The following BBS9 variants were observed in gnomAD, a reference collection of about 807,000 sequenced individuals.
The protein encoded by BBS9 is Bardet-Biedl syndrome 9, also known as protein PTHB1.
BBS9 carries 89 observed loss-of-function variants against 117.7 expected under a neutral mutation model. The observed-to-expected ratio is 0.76, with a 90% CI of 0.64 to 0.90. BBS9 has a LOEUF of 0.90. Ranked by LOEUF, BBS9 falls within the 40% of genes least tolerant of loss-of-function variation. The pLI is 0.00. For synonymous variants in BBS9, 379 were observed against 370.9 expected (o/e 1.02, Z -0.25); for missense variants, 982 against 1,042.2 (o/e 0.94, Z 0.80).
At chr7:33,477,779 G>T (rs1039137514) in intron 19 of BBS9, among the ~76,000 whole-genome samples, 1 of 152,140 alleles carries the variant, frequency 6.6e-6, no homozygotes, top group African/African-American at 2.4e-5. Context: ...TGGAATAGAC[G>T]CAGTGAGCTT....
intron 19 of BBS9, among the ~76,000 whole-genome samples, chr7:33,411,428 G>GT (rs1563140601): frequency 1.3e-5 from 2 of 152,076 alleles, no homozygotes; most frequent in Non-Finnish European, 2.9e-5. Context: ...CAATCTTTGT[G>GT]TTTTGTGGAG....
intron 5 of BBS9, among the ~76,000 whole-genome samples, chr7:33,216,308 A>G (rs1191980476): frequency 6.6e-6 from 1 of 152,030 alleles, no homozygotes; most frequent in African/African-American, 2.4e-5. Flanking sequence ...GAAATTCTTT[A>G]CTCTTGGTTG....
rs962877511 is a variant in BBS9, at chr7:33,292,517, G to A, written c.1016+18561G>A. ...GCTGGGATTACAGGCATGACCCACC[G>A]CACACCATCTATTTGTGGAACATTT... is the stretch of plus-strand genomic sequence containing the variant. On this transcript the variant is annotated intron_variant, in intron 9 of 22. Coordinates refer to ENST00000242067, the MANE Select transcript of BBS9 (RefSeq NM_198428.3). 5.3e-5 allele frequency among the ~76,000 whole-genome samples: 8 copies of A among 151,884 alleles called. No homozygotes were observed. The South Asian group carries it at 6.3e-4, about 12-fold the overall frequency.
intron 21 of BBS9, among the ~76,000 whole-genome samples, chr7:33,582,523 T>TGC (rs542378214): frequency 6.8e-6 from 1 of 147,694 alleles, no homozygotes; most frequent in African/African-American, 2.5e-5. Flanking sequence ...GTTTCTACAA[T>TGC]ACACACACAC....
intron 5 of BBS9, among the ~76,000 whole-genome samples, chr7:33,256,806 T>A (rs1041184247): frequency 6.6e-6 from 1 of 152,186 alleles, no homozygotes; most frequent in Admixed American, 6.5e-5. Context: ...TAATACATTA[T>A]AGGATACACT....
chr7:33,164,201 T>A (rs1231166921), intron 4 of BBS9, among the ~76,000 whole-genome samples: 1 of 152,236 alleles, frequency 6.6e-6, no homozygotes, highest in Non-Finnish European at 1.5e-5. Context: ...AGAGACAGTT[T>A]GTTATGATTT....
At chr7:33,167,644 C>A (rs1015940524) in intron 4 of BBS9, among the ~76,000 whole-genome samples, 1 of 151,994 alleles carries the variant, frequency 6.6e-6, no homozygotes, top group Non-Finnish European at 1.5e-5. Context: ...TGTGATCCAC[C>A]CTCCTCAGCC....
At chr7:33,363,036 T>A in intron 16 of BBS9, among the ~76,000 whole-genome samples, 1 of 152,336 alleles carries the variant, frequency 6.6e-6, no homozygotes, top group South Asian at 2.1e-4. Flanking sequence ...CCCTATTTCA[T>A]ATATTTTTAT....
chr7:33,604,814 G>C (rs1481783243), intron 21 of BBS9, 51 bp from the exon 22 acceptor site: 1 of 1,266,184 alleles, frequency 7.9e-7, no homozygotes. Flanking sequence ...TGTGTAGAGA[G>C]GCAGATTTTC....
At chr7:33,446,776 G>T (rs28401426) in intron 19 of BBS9, among the ~76,000 whole-genome samples, 5 of 152,082 alleles carry the variant, frequency 3.3e-5, no homozygotes, top group African/African-American at 1.2e-4. Flanking sequence ...AAAGAAATTG[G>T]GTTGTTTGCT....
chr7:33,173,836 C>T (rs1796958396), intron 4 of BBS9, among the ~76,000 whole-genome samples: 1 of 152,148 alleles, frequency 6.6e-6, no homozygotes, highest in Non-Finnish European at 1.5e-5. Context: ...CCATTTTTAC[C>T]TCAAATATTG....
chr7:33,366,689 C>T (rs1207639433), intron 16 of BBS9, among the ~76,000 whole-genome samples: 13 of 151,620 alleles, frequency 8.6e-5, no homozygotes, highest in African/African-American at 1.9e-4. Context: ...GGACTACAGG[C>T]GCATGCCACC....
At chr7:33,389,687 TAAAAAAAAAAAA>T (rs5883400) in intron 19 of BBS9, among the ~76,000 whole-genome samples, 2 of 91,968 alleles carry the variant, frequency 2.2e-5, no homozygotes, top group Non-Finnish European at 4.1e-5. Flanking sequence ...AGACTCCATC[TAAAAAAAAAAAA>T]AAAAAAAAAA....
intron 19 of BBS9, among the ~76,000 whole-genome samples, chr7:33,398,596 G>T (rs762827425): frequency 6.6e-6 from 1 of 152,168 alleles, no homozygotes; most frequent in Non-Finnish European, 1.5e-5. Flanking sequence ...ATCTGTGTGT[G>T]GGTATAGAGT....
chr7:33,180,883 A>G (rs914548359), intron 5 of BBS9, among the ~76,000 whole-genome samples: 1 of 150,620 alleles, frequency 6.6e-6, no homozygotes, highest in Non-Finnish European at 1.5e-5. Context: ...GGGGAAAAGG[A>G]TCCTCACATA....
intron 19 of BBS9, among the ~76,000 whole-genome samples, chr7:33,472,421 A>G (rs1024571968): frequency 3.9e-5 from 6 of 152,230 alleles, no homozygotes; most frequent in Non-Finnish European, 5.9e-5. Flanking sequence ...TTTCTTATGC[A>G]ATACTTGAGA....
chr7:33,616,596 GA>G (rs1024411443), intron 21 of BBS9, among the ~76,000 whole-genome samples: 33 of 146,888 alleles, frequency 2.2e-4, no homozygotes, highest in Admixed American at 4.1e-4. Context: ...AGAAAAATAG[GA>G]AAAAAAATGG....
intron 19 of BBS9, among the ~76,000 whole-genome samples, chr7:33,445,973 A>T (rs968522080): frequency 6.6e-6 from 1 of 152,164 alleles, no homozygotes; most frequent in African/African-American, 2.4e-5. Context: ...CCCTGTCTCA[A>T]GTAGTATCAT....
At chr7:33,376,245 C>T (rs1584551171) in intron 17 of BBS9, among the ~76,000 whole-genome samples, 1 of 152,194 alleles carries the variant, frequency 6.6e-6, no homozygotes, top group African/African-American at 2.4e-5. Context: ...CATGTGTTCT[C>T]ATTATTTAGC....
Sources: allele counts gnomAD v4.1 joint callset (sites outside exome capture counted in the v4.1 genomes callset), GRCh38; gene constraint gnomAD v4.1.1; transcripts MANE v1.5; gene names NCBI Gene and HGNC (gene_info 2026-07-23, HGNC 2026-07-21).